The following SORL1 variants were observed in gnomAD, a reference collection of about 807,000 sequenced individuals.
SORL1 encodes the protein sortilin related receptor 1.
A neutral mutation model predicts 273.7 loss-of-function variants in SORL1; 127 were observed. The ratio of observed to expected loss-of-function variants is 0.46; its 90% CI spans 0.40 to 0.54. The LOEUF (loss-of-function observed/expected upper bound fraction) is 0.54, where lower values mean the gene tolerates loss of function less well. Among genes scored for constraint, SORL1 ranks in the 20% least tolerant of loss-of-function variants. SORL1 has a pLI of 0.00. For synonymous variants in SORL1, 1,031 were observed against 1,067.4 expected, an observed-to-expected ratio of 0.97 and a Z score of 0.66; for missense variants, 2,494 against 2,846.1, an observed-to-expected ratio of 0.88 and a Z score of 2.81.
chr11:121,542,656 T>G (rs1057280408), intron 12 of SORL1, among the ~76,000 whole-genome samples: 1 of 152,056 alleles, frequency 6.6e-6, no homozygotes, highest in African/African-American at 2.4e-5. Context: ...ATTGTAAGAT[T>G]ATGTTTTGTA....
intron 7 of SORL1, among the ~76,000 whole-genome samples, chr11:121,513,410 A>T (rs1449829047): frequency 2.0e-5 from 3 of 152,168 alleles, no homozygotes; most frequent in African/African-American, 7.2e-5. Flanking sequence ...TTTGTGCATG[A>T]TAGGATCTTT....
At chr11:121,513,754 G>C (rs1861912702) in intron 7 of SORL1, among the ~76,000 whole-genome samples, 1 of 152,182 alleles carries the variant, frequency 6.6e-6, no homozygotes, top group Admixed American at 6.5e-5. Context: ...CCAGTCCTTT[G>C]CTAGTTTCTA....
intron 22 of SORL1, 52 bp downstream of exon 22, chr11:121,567,165 T>C: frequency 2.7e-6 from 4 of 1,486,676 alleles, no homozygotes; most frequent in Middle Eastern, 4.0e-4. Context: ...TGTTTCCTGC[T>C]CCCCGCCAGG....
In SORL1 at chr11:121,619,535, A is replaced by G. The variant is rs1863690389; in HGVS notation, c.5725-218A>G. On this transcript the variant is annotated intron_variant, in intron 42 of 47. Transcript: ENST00000260197. The stretch of plus-strand genomic sequence containing the variant: ...CACGTACATACATATCCTTCCTTAT[A>G]TATGCATAGGGGATTTCTGGAAGGA... Among the ~76,000 whole-genome samples, 5 of 152,188 alleles carry G rather than the reference A, an allele frequency of 3.3e-5. No homozygotes were observed. In the South Asian group the frequency reaches 1.0e-3, roughly 31 times the overall value.
At chr11:121,558,304 G>A (rs1862621997) in intron 19 of SORL1, among the ~76,000 whole-genome samples, 1 of 152,126 alleles carries the variant, frequency 6.6e-6, no homozygotes, top group Non-Finnish European at 1.5e-5. Context: ...ACCATAATGT[G>A]TCACTTCCTC....
chr11:121,622,810 CAG>C (rs1291908022), intron 45 of SORL1, among the ~76,000 whole-genome samples: 2 of 152,174 alleles, frequency 1.3e-5, no homozygotes, highest in Non-Finnish European at 2.9e-5. Context: ...CAGCAAAAGA[CAG>C]GGGAAGAGGA....
intron 25 of SORL1, among the ~76,000 whole-genome samples, chr11:121,580,885 A>G (rs1047693342): frequency 6.7e-6 from 1 of 150,256 alleles, no homozygotes; most frequent in African/African-American, 2.5e-5. Context: ...GATTACAGGT[A>G]TGAGCTACTG....
intron 12 of SORL1, among the ~76,000 whole-genome samples, chr11:121,541,769 G>T (rs1862353232): frequency 6.6e-6 from 1 of 152,186 alleles, no homozygotes; most frequent in Non-Finnish European, 1.5e-5. Context: ...CAAGTGTTGG[G>T]CAGATTTTCT....
chr11:121,467,763 C>T (rs1272767465), intron 1 of SORL1, among the ~76,000 whole-genome samples: 1 of 152,128 alleles, frequency 6.6e-6, no homozygotes, highest in African/African-American at 2.4e-5. Context: ...ATTCCTTTAG[C>T]TGCTTTCTCT....
chr11:121,577,496 T>C, intron 25 of SORL1, 96 bp downstream of exon 25: 2 of 1,342,120 alleles, frequency 1.5e-6, no homozygotes, highest in Middle Eastern at 2.0e-4. Flanking sequence ...GCTCTGAGAA[T>C]TAGCTTGGAC....
Position 121,618,849 on chromosome 11 carries a change from A to C in SORL1, c.5680A>C (p.Asn1894His). 1 of 1,614,158 alleles carries C rather than the reference A, an allele frequency of 6.2e-7. No homozygotes were observed. Among genetic ancestry groups the C allele is most frequent in the Middle Eastern group, 1.6e-4 (1 of 6,062 alleles). ...NPKSLTTSLH[N>H]KTVIVSKDEQ... ...GAAGAGCTTGACTACTTCACTCCAC[A>C]ACAAGACGGTCATTGTCAGTAAGGA... Residue 1894 changes from asparagine (N) to histidine (H), a missense_variant, in exon 42 of 48, where the codon AAC (asparagine) becomes CAC (histidine). Around this residue, in one of 3 missense-constraint regions of SORL1, gnomAD observed 1,609 missense variants for 1,816.4 expected, o/e 0.89. Transcript: ENST00000260197.
intron 45 of SORL1, 75 bp downstream of exon 45, chr11:121,622,343 G>A: frequency 2.6e-6 from 2 of 774,794 alleles, no homozygotes; most frequent in South Asian, 1.5e-5. Context: ...CTTGTTGACA[G>A]CATGCTGGCA....
At chr11:121,480,871 C>T (rs1380979038) in intron 3 of SORL1, among the ~76,000 whole-genome samples, 2 of 146,664 alleles carry the variant, frequency 1.4e-5, no homozygotes, top group Non-Finnish European at 3.0e-5. Context: ...TCCATCTCTT[C>T]TTCCCCAGCT....
intron 8 of SORL1, among the ~76,000 whole-genome samples, chr11:121,516,336 G>A (rs1861950542): frequency 6.6e-6 from 1 of 152,222 alleles, no homozygotes; most frequent in Non-Finnish European, 1.5e-5. Flanking sequence ...AATGGGATTT[G>A]TTGATAGATG....
At chr11:121,520,935 G>C in intron 9 of SORL1, 86 bp downstream of exon 9, 1 of 879,082 alleles carries the variant, frequency 1.1e-6, no homozygotes, top group Non-Finnish European at 1.6e-6. Flanking sequence ...AGTATTTATT[G>C]AAAAAATACA....
intron 8 of SORL1, among the ~76,000 whole-genome samples, chr11:121,516,533 T>A (rs1861955121): frequency 6.6e-6 from 1 of 152,182 alleles, no homozygotes; most frequent in African/African-American, 2.4e-5. Flanking sequence ...GTGCCCAGCC[T>A]TCTACCTGGC....
At chr11:121,605,347 C>T in intron 34 of SORL1, 55 bp from the exon 35 acceptor site, 1 of 1,583,826 alleles carries the variant, frequency 6.3e-7, no homozygotes, top group Non-Finnish European at 8.6e-7. Flanking sequence ...AGTCAGACAT[C>T]TCAGCCCCCC....
chr11:121,509,665 C>T (rs146113611), intron 6 of SORL1, among the ~76,000 whole-genome samples: 3,305 of 152,072 alleles, frequency 0.022, 119 homozygotes, highest in African/African-American at 0.076. Flanking sequence ...TTAGTAGAGA[C>T]GGGGTTTCAC....
intron 26 of SORL1, 100 bp downstream of exon 26, chr11:121,583,683 A>G (rs1382707012): frequency 1.3e-5 from 18 of 1,340,622 alleles, no homozygotes; most frequent in Non-Finnish European, 1.8e-5. Context: ...CTGTTCTCCT[A>G]TGCCTGTATT....
Sources: allele counts gnomAD v4.1 joint callset (sites outside exome capture counted in the v4.1 genomes callset), GRCh38; gene constraint gnomAD v4.1.1; regional missense constraint gnomAD v4.1.1; transcripts MANE v1.5; gene names NCBI Gene and HGNC (gene_info 2026-07-23, HGNC 2026-07-21).